The following TLN2 variants were observed in gnomAD, a reference collection of about 807,000 sequenced individuals.
TLN2 encodes the protein talin 2.
Under a neutral mutation model 294.7 loss-of-function variants are expected in TLN2, and 118 were observed. The ratio of observed to expected loss-of-function variants is 0.40; its 90% CI spans 0.34 to 0.47. The LOEUF (loss-of-function observed/expected upper bound fraction) is 0.47. TLN2 is among the 20% of genes least tolerant of loss of function. The pLI, the probability that TLN2 is intolerant of heterozygous loss-of-function variation, is 0.84. For synonymous variants in TLN2, 1,431 were observed against 1,304.5 expected (o/e 1.10, Z -2.09); for missense variants, 3,083 against 3,282.2 (o/e 0.94, Z 1.48).
At position 62,500,933 on chromosome 15, in the gene TLN2, C is replaced by T. The variant is rs114025192; in HGVS notation, c.-237-88754C>T. ...GCAGGCCCCACCACAGTCCCTGCAG[C>T]AACACAGTTTTGTTTGCTTAAAATT... On this transcript the variant is annotated intron_variant, in intron 1 of 58. Transcript: ENST00000636159. Among the ~76,000 whole-genome samples the T allele has an allele frequency of 9.6e-3, 1,464 of 152,346 alleles. 30 individuals carry two copies. The highest frequency in any genetic ancestry group is 0.034 in the African/African-American group (1,400 of 41,580).
At chr15:62,561,234 G>C (rs144917362) in intron 1 of TLN2, 1 of 152,156 alleles carries the variant, frequency 6.6e-6, no homozygotes, top group Non-Finnish European at 1.5e-5. Context: ...GGGCAGAAGC[G>C]TGATATTGTA....
rs1265031077 is a variant in TLN2 at position 62,690,748 on chromosome 15, C to T, written c.1114-2092C>T. ...ATTGAGCACTGAGTGAACCAGACTC[C>T]GTCTGCAATCCCGGCACCTCGGGAG... On this transcript the variant is annotated intron_variant, in intron 12 of 58. Transcript: ENST00000636159. 1.3e-4 allele frequency among the ~76,000 whole-genome samples: 19 copies of T among 150,724 alleles called. No homozygotes were observed. The South Asian group carries it at 2.5e-3, about 20-fold the overall frequency.
chr15:62,399,984 T>C lies in TLN2; in HGVS notation c.-238+9299T>C, dbSNP rs144576024. Among the ~76,000 whole-genome samples the C allele has an allele frequency of 2.5e-3, 382 of 152,282 alleles. 12 individuals are homozygous for C. In the East Asian group the frequency reaches 0.069, roughly 27 times the overall value. ...GGGAGGGGGCAGGGGTGGAATGATATGGTTTGGCTGTGTCCTCACGCAAAA... is the reference window on the plus strand; with the variant it reads ...GGGAGGGGGCAGGGGTGGAATGATACGGTTTGGCTGTGTCCTCACGCAAAA... On this transcript the variant is annotated intron_variant, in intron 1 of 58. Coordinates refer to ENST00000636159, the MANE Select transcript of TLN2 (RefSeq NM_015059.3).
intron 57 of TLN2, among the ~76,000 whole-genome samples, chr15:62,837,028 A>T (rs1305317388): frequency 6.6e-6 from 1 of 152,212 alleles, no homozygotes; most frequent in Non-Finnish European, 1.5e-5. Context: ...TACTTTGGAC[A>T]TTTTGTTTCC....
At chr15:62,644,589 C>T (rs2051598732) in intron 3 of TLN2, 2 of 456,198 alleles carry the variant, frequency 4.4e-6, no homozygotes, top group Non-Finnish European at 8.8e-6. Flanking sequence ...CTGCTTCTCT[C>T]CTTCCTGTCT....
At chr15:62,761,220 G>GA (rs1206683884) in intron 37 of TLN2, among the ~76,000 whole-genome samples, 1 of 152,180 alleles carries the variant, frequency 6.6e-6, no homozygotes, top group Non-Finnish European at 1.5e-5. Flanking sequence ...GTAAAACTTA[G>GA]AAAAAGTTAA....
intron 41 of TLN2, among the ~76,000 whole-genome samples, chr15:62,770,361 T>C (rs915130537): frequency 1.3e-5 from 2 of 152,226 alleles, no homozygotes; most frequent in African/African-American, 2.4e-5. Flanking sequence ...GGCAGTGCCC[T>C]CCTGGAAAGA....
chr15:62,719,894 G>T lies in TLN2; in HGVS notation c.2991+14G>T. The stretch of plus-strand genomic sequence containing the variant: ...AACTTCCTCCAGGTAACAGGGCTGT[G>T]GTCACCTTGGGCTCACTCAGAGCCC... On this transcript the variant is annotated intron_variant, in intron 25 of 58. Transcript: ENST00000636159. 1 of 1,591,646 alleles carries T rather than the reference G, an allele frequency of 6.3e-7. No individual in the cohort carries two copies. Among genetic ancestry groups the T allele is most frequent in the South Asian group, 1.2e-5 (1 of 86,520 alleles).
At chr15:62,478,963 T>A (rs1252845144) in intron 1 of TLN2, among the ~76,000 whole-genome samples, 2 of 152,226 alleles carry the variant, frequency 1.3e-5, no homozygotes, top group Non-Finnish European at 2.9e-5. Flanking sequence ...TTGCAGTTCT[T>A]ATGTTTTAGG....
intron 1 of TLN2, among the ~76,000 whole-genome samples, chr15:62,433,506 G>A (rs1458780197): frequency 6.6e-6 from 1 of 152,014 alleles, no homozygotes; most frequent in Non-Finnish European, 1.5e-5. Context: ...CAATCTCAGG[G>A]GTGTGAATTC....
intron 1 of TLN2, among the ~76,000 whole-genome samples, chr15:62,462,411 G>A (rs914391829): frequency 6.6e-5 from 10 of 152,202 alleles, no homozygotes; most frequent in African/African-American, 2.4e-4. Flanking sequence ...TGAAAGGCCC[G>A]TGGGCTGTCC....
intron 1 of TLN2, among the ~76,000 whole-genome samples, chr15:62,549,924 G>C (rs1373188189): frequency 6.6e-6 from 1 of 152,204 alleles, no homozygotes; most frequent in Non-Finnish European, 1.5e-5. Context: ...TCCCAAGCCT[G>C]CCACCTGAGA....
At position 62,597,908 on chromosome 15, in the gene TLN2, G is replaced by T. The variant is rs374252869; in HGVS notation, c.-162+8146G>T. Among the ~76,000 whole-genome samples the T allele has an allele frequency of 4.6e-5, 7 of 152,038 alleles. No homozygotes were observed. The South Asian group carries it at 8.3e-4, about 18-fold the overall frequency. On this transcript the variant is annotated intron_variant, in intron 2 of 58. Transcript: ENST00000636159. ...GACTGTGACATGTCACATGAGTTCAGGTGTGGAATTTTCCACTTGTGGTGT... is the reference window on the plus strand; with the variant it reads ...GACTGTGACATGTCACATGAGTTCATGTGTGGAATTTTCCACTTGTGGTGT...
intron 1 of TLN2, among the ~76,000 whole-genome samples, chr15:62,526,047 T>C (rs1158859159): frequency 2.0e-5 from 3 of 152,066 alleles, no homozygotes; most frequent in Admixed American, 1.3e-4. Flanking sequence ...GTTGGTCATG[T>C]AGATTATATA....
At chr15:62,608,304 G>A (rs2047623617) in intron 2 of TLN2, among the ~76,000 whole-genome samples, 1 of 152,168 alleles carries the variant, frequency 6.6e-6, no homozygotes, top group Non-Finnish European at 1.5e-5. Context: ...AATAAGGGGT[G>A]GGGGTGGTGT....
At chr15:62,814,562 A>T (rs1178687461) in intron 52 of TLN2, among the ~76,000 whole-genome samples, 1 of 152,206 alleles carries the variant, frequency 6.6e-6, no homozygotes, top group Non-Finnish European at 1.5e-5. Context: ...GATGTGAATG[A>T]AATAGCATTA....
chr15:62,767,310 T>C (rs1158068699), intron 41 of TLN2, among the ~76,000 whole-genome samples: 1 of 114,320 alleles, frequency 8.7e-6, no homozygotes. Context: ...GTGTGGCATA[T>C]TTCATTTCTT....
chr15:62,450,547 ATGTGTGTGTGTGTG>A (rs10591621), intron 1 of TLN2, among the ~76,000 whole-genome samples: 35 of 136,138 alleles, frequency 2.6e-4, no homozygotes, highest in East Asian at 1.1e-3. Flanking sequence ...GTATGTATGT[ATGTGTGTGTGTGTG>A]TGTGTGTGTG....
intron 4 of TLN2, among the ~76,000 whole-genome samples, chr15:62,647,755 A>C (rs557619927): frequency 9.1e-4 from 139 of 152,282 alleles, no homozygotes; most frequent in Non-Finnish European, 1.7e-3. Context: ...AGTGCAAATG[A>C]AGCTGCCCTA....
Sources: allele counts gnomAD v4.1 joint callset (sites outside exome capture counted in the v4.1 genomes callset), GRCh38; gene constraint gnomAD v4.1.1; transcripts MANE v1.5; gene names NCBI Gene and HGNC (gene_info 2026-07-23, HGNC 2026-07-21).